NFIA: variants seen among roughly 807,000 people sequenced by gnomAD.
The protein encoded by NFIA is nuclear factor 1 A-type.
Under a neutral mutation model 62.8 loss-of-function variants are expected in NFIA, and 8 were observed. That is an observed-to-expected ratio of 0.13 (90% CI 0.07 to 0.23). NFIA has a LOEUF of 0.23. Among genes scored for constraint, NFIA ranks in the 10% least tolerant of loss-of-function variants. NFIA has a pLI of 1.00. For missense variants in NFIA, 410 were observed against 642.1 expected (o/e 0.64, Z 3.91); for synonymous variants, 235 against 238.1 (o/e 0.99, Z 0.12).
intron 2 of NFIA, among the ~76,000 whole-genome samples, chr1:61,242,137 G>T (rs914825577): frequency 2.0e-5 from 3 of 152,142 alleles, no homozygotes; most frequent in African/African-American, 7.2e-5. Context: ...AATCATAAGG[G>T]TGAATTAAAA....
At chr1:61,322,166 A>C (rs575490109) in intron 3 of NFIA, among the ~76,000 whole-genome samples, 1 of 152,350 alleles carries the variant, frequency 6.6e-6, no homozygotes, top group East Asian at 1.9e-4. Flanking sequence ...TTTGCAGATT[A>C]ATAATACATA....
intron 2 of NFIA, among the ~76,000 whole-genome samples, chr1:61,255,541 G>A (rs1217682190): frequency 1.3e-5 from 2 of 152,208 alleles, no homozygotes; most frequent in Non-Finnish European, 2.9e-5. Context: ...AAGGAGACAT[G>A]CCATGTGTAT....
intron 2 of NFIA, among the ~76,000 whole-genome samples, chr1:61,110,001 T>G (rs1363925813): frequency 6.6e-6 from 1 of 151,984 alleles, no homozygotes; most frequent in African/African-American, 2.4e-5. Flanking sequence ...TTAATATTCT[T>G]AAAGTGGATG....
At chr1:61,099,092 A>G (rs953532954) in intron 2 of NFIA, among the ~76,000 whole-genome samples, 16 of 152,244 alleles carry the variant, frequency 1.1e-4, no homozygotes, top group Admixed American at 9.8e-4. Context: ...TTTACCACCT[A>G]CATTTTTAAA....
chr1:61,296,972 G>A (rs540577200), intron 3 of NFIA, among the ~76,000 whole-genome samples: 223 of 152,244 alleles, frequency 1.5e-3, no homozygotes, highest in Non-Finnish European at 2.8e-3. Flanking sequence ...TACCTACAGA[G>A]GAGGTTCTTA....
At chr1:61,358,379 C>CTTTTTTTTTTTTTTTT (rs34853369) in intron 5 of NFIA, among the ~76,000 whole-genome samples, 6 of 52,616 alleles carry the variant, frequency 1.1e-4, no homozygotes, top group Non-Finnish European at 1.6e-4. Flanking sequence ...TTCTTTCTTT[C>CTTTTTTTTTTTTTTTT]TTTTTTTTTT....
At chr1:61,406,812 A>G (rs565166914) in intron 9 of NFIA, 85 bp downstream of exon 9, 2 of 1,374,184 alleles carry the variant, frequency 1.5e-6, no homozygotes, top group South Asian at 3.4e-5. Context: ...CTCACTGTAT[A>G]GGCTCTAGAA....
chr1:61,254,602 A>G (rs952314082), intron 2 of NFIA, among the ~76,000 whole-genome samples: 1 of 152,250 alleles, frequency 6.6e-6, no homozygotes, highest in Non-Finnish European at 1.5e-5. Context: ...ATACAAATGT[A>G]AAATGCTACA....
At chr1:61,203,236 A>C (rs1652631461) in intron 2 of NFIA, among the ~76,000 whole-genome samples, 1 of 152,194 alleles carries the variant, frequency 6.6e-6, no homozygotes, top group Admixed American at 6.5e-5. Flanking sequence ...GAAGGAGTGT[A>C]AGCAGTGGGA....
At chr1:61,139,394 C>G (rs1481501238) in intron 2 of NFIA, among the ~76,000 whole-genome samples, 1 of 152,200 alleles carries the variant, frequency 6.6e-6, no homozygotes, top group African/African-American at 2.4e-5. Flanking sequence ...CTCCGTGCAG[C>G]TTGCTGGTGC....
intron 9 of NFIA, among the ~76,000 whole-genome samples, chr1:61,416,659 TGAAAA>T (rs1666361028): frequency 6.6e-6 from 1 of 152,160 alleles, no homozygotes; most frequent in African/African-American, 2.4e-5. Context: ...ATTTTTTAAA[TGAAAA>T]GAAAAAGAAT....
intron 2 of NFIA, among the ~76,000 whole-genome samples, chr1:61,149,173 G>A (rs942169522): frequency 1.3e-5 from 2 of 150,970 alleles, no homozygotes; most frequent in African/African-American, 4.9e-5. Context: ...TGGGATTACA[G>A]GCTTTAGCAA....
In NFIA at chr1:61,311,414, A is replaced by AG. The variant is rs941766349; in HGVS notation, c.626-21098_626-21097insG. On this transcript the variant is annotated intron_variant, in intron 3 of 10. Transcript: ENST00000403491. ...CTCAAAAAAACAAAAAACAAACAAA[A>AG]AAAACATACTGTAGGGAGTTCAGTA... Among the ~76,000 whole-genome samples the AG allele has an allele frequency of 1.1e-4, 16 of 151,406 alleles. 1 individual carries two copies. The highest frequency in any genetic ancestry group is 1.5e-5 in the Non-Finnish European group (1 of 67,770).
chr1:61,448,017 C>G (rs1667895000), intron 10 of NFIA, among the ~76,000 whole-genome samples: 1 of 152,076 alleles, frequency 6.6e-6, no homozygotes, highest in Non-Finnish European at 1.5e-5. Context: ...CCCTTTTTTC[C>G]TCACATTTTC....
intron 2 of NFIA, among the ~76,000 whole-genome samples, chr1:61,243,629 T>C (rs976970482): frequency 6.6e-6 from 1 of 152,204 alleles, no homozygotes; most frequent in Non-Finnish European, 1.5e-5. Flanking sequence ...AATTAAATCA[T>C]TTTAAAATAT....
At chr1:61,404,080 C>T in intron 7 of NFIA, 24 bp from the exon 8 acceptor site, 4 of 1,612,896 alleles carry the variant, frequency 2.5e-6, no homozygotes, top group Non-Finnish European at 3.4e-6. Context: ...CTTTTCATAA[C>T]CCTGATGTTT....
At chr1:61,336,669 C>T (rs375155553) in intron 4 of NFIA, among the ~76,000 whole-genome samples, 101 of 152,296 alleles carry the variant, frequency 6.6e-4, no homozygotes, top group African/African-American at 2.3e-3. Context: ...TCCACCTATT[C>T]ATTACCTCCC....
At chr1:61,098,844 G>T (rs772342611) in intron 2 of NFIA, among the ~76,000 whole-genome samples, 25 of 152,136 alleles carry the variant, frequency 1.6e-4, no homozygotes, top group Non-Finnish European at 3.2e-4. Flanking sequence ...AAAATGAAGT[G>T]GGAACAAAAA....
intron 6 of NFIA, among the ~76,000 whole-genome samples, chr1:61,374,578 A>G (rs528910735): frequency 2.0e-3 from 305 of 152,260 alleles, no homozygotes; most frequent in Non-Finnish European, 3.7e-3. Flanking sequence ...TCACTCACAA[A>G]TGAACATTTG....
Sources: gnomAD v4.1 joint callset for allele counts (sites outside exome capture counted in the v4.1 genomes callset) on GRCh38, gnomAD v4.1.1 for gene constraint, MANE v1.5 for transcripts, NCBI Gene and HGNC (gene_info 2026-07-23, HGNC 2026-07-21) for gene names.